Variants in B3GLCT observed in about 807,000 individuals in gnomAD.
B3GLCT encodes beta 3-glucosyltransferase.
In B3GLCT, 65 loss-of-function variants were observed where a neutral mutation model predicts 63.4. That is an observed-to-expected ratio of 1.03 (90% CI 0.84 to 1.26). B3GLCT has a LOEUF of 1.26. Among genes scored for constraint, B3GLCT ranks in the 50% most tolerant of loss-of-function variants. B3GLCT has a pLI of 0.00. For synonymous variants in B3GLCT, 233 were observed against 219.2 expected, an observed-to-expected ratio of 1.06 and a Z score of -0.55; for missense variants, 577 against 604.8, an observed-to-expected ratio of 0.95 and a Z score of 0.48.
At chr13:31,245,934 A>G (rs1309784516) in intron 4 of B3GLCT, among the ~76,000 whole-genome samples, 1 of 152,138 alleles carries the variant, frequency 6.6e-6, no homozygotes, top group Non-Finnish European at 1.5e-5. Context: ...TTAACCTGTG[A>G]TTACTGTTTT....
At chr13:31,252,494 C>G (rs11617218) in intron 6 of B3GLCT, among the ~76,000 whole-genome samples, 49,890 of 151,880 alleles carry the variant, frequency 0.33, 9,114 homozygotes, top group Non-Finnish European at 0.42. Flanking sequence ...CAAAGACACA[C>G]ATAGGCTCAA....
intron 1 of B3GLCT, among the ~76,000 whole-genome samples, chr13:31,204,413 T>G (rs117187407): frequency 1.3e-5 from 2 of 151,980 alleles, no homozygotes; most frequent in South Asian, 2.1e-4. Context: ...TGAGAAACTG[T>G]GGGGTAAGGG....
chr13:31,208,700 G>A lies in B3GLCT; in HGVS notation c.71-6351G>A, dbSNP rs1376785782. 2.0e-5 allele frequency among the ~76,000 whole-genome samples: 3 copies of A among 146,384 alleles called. No homozygotes were observed. In the East Asian group the frequency reaches 5.9e-4, roughly 29 times the overall value. ...ACTCCAGTGGCCTTCCCACTGGCAT[G>A]TTTGTGTCCTTTCTTGTCCTCCCAC... On this transcript the variant is annotated intron_variant, in intron 1 of 14. Coordinates refer to ENST00000343307, the MANE Select transcript of B3GLCT (RefSeq NM_194318.4).
intron 1 of B3GLCT, among the ~76,000 whole-genome samples, chr13:31,207,455 C>T (rs1480523948): frequency 6.6e-6 from 1 of 152,064 alleles, no homozygotes; most frequent in Non-Finnish European, 1.5e-5. Context: ...TTGCAATTTT[C>T]TGGTTTGCAT....
chr13:31,246,031 CA>C (rs1219936182), intron 4 of B3GLCT, among the ~76,000 whole-genome samples: 1 of 152,118 alleles, frequency 6.6e-6, no homozygotes, highest in Non-Finnish European at 1.5e-5. Flanking sequence ...CAAAGATTTA[CA>C]TTAAAGACTA....
At chr13:31,277,750 T>C (rs1039259981) in intron 10 of B3GLCT, among the ~76,000 whole-genome samples, 4 of 152,108 alleles carry the variant, frequency 2.6e-5, no homozygotes, top group Admixed American at 2.6e-4. Flanking sequence ...GACATCAACA[T>C]CAATTAAAAT....
At chr13:31,248,353 G>A (rs1233119830) in intron 6 of B3GLCT, among the ~76,000 whole-genome samples, 1 of 152,156 alleles carries the variant, frequency 6.6e-6, no homozygotes, top group Admixed American at 6.5e-5. Context: ...GCTGTATACT[G>A]AGCACTGTGG....
Position 31,329,736 on chromosome 13 carries a change from G to A in B3GLCT, c.*68G>A. ...GGAGACTGTGGCCTCATCCCACTGT[G>A]CTGTGCTCACAACACTTGTGTCTGC... On this transcript the variant is annotated 3_prime_UTR_variant, in exon 15 of 15. Coordinates refer to ENST00000343307, the MANE Select transcript of B3GLCT (RefSeq NM_194318.4). 1.9e-6 allele frequency: 3 copies of A among 1,558,128 alleles called. No individual in the cohort carries two copies. Among genetic ancestry groups the A allele is most frequent in the Non-Finnish European group, 2.6e-6 (3 of 1,134,178 alleles).
rs66466340 is a variant in B3GLCT at position 31,246,951 on chromosome 13, CTTTTT to C, written c.271-61_271-57del. On this transcript the variant is annotated intron_variant, in intron 4 of 14. Coordinates refer to ENST00000343307, the MANE Select transcript of B3GLCT (RefSeq NM_194318.4). ...TTTCTTTTTTCTTTTCTTTTCTTTT[CTTTTT>C]TTTTTTTTTTACTTTTTTTCGGAGT... 708 of 779,588 alleles carry C rather than the reference CTTTTT, an allele frequency of 9.1e-4. 1 individual carries two copies. The highest frequency in any genetic ancestry group is 1.7e-3 in the Middle Eastern group (6 of 3,436). The allele number at this position is 779,588 out of a possible 1,614,324, so 48.3% of individuals were successfully genotyped here. A position where few individuals can be genotyped will look rare whatever the true frequency, so the allele number is the denominator to read the frequency against.
At chr13:31,259,198 T>A (rs1871893273) in intron 6 of B3GLCT, among the ~76,000 whole-genome samples, 1 of 152,238 alleles carries the variant, frequency 6.6e-6, no homozygotes, top group Non-Finnish European at 1.5e-5. Context: ...AAAGTCTTAT[T>A]TGATAACTGC....
intron 4 of B3GLCT, among the ~76,000 whole-genome samples, chr13:31,238,380 G>A (rs1870759153): frequency 6.6e-6 from 1 of 152,202 alleles, no homozygotes; most frequent in African/African-American, 2.4e-5. Context: ...GTCATTGTAA[G>A]TAGTCATTTC....
intron 14 of B3GLCT, among the ~76,000 whole-genome samples, chr13:31,326,609 C>G (rs1875639697): frequency 6.6e-6 from 1 of 152,010 alleles, no homozygotes; most frequent in African/African-American, 2.4e-5. Context: ...GTTTCAGCCC[C>G]TCTCTCTTCC....
chr13:31,302,165 T>A (rs1450901419), intron 12 of B3GLCT, among the ~76,000 whole-genome samples: 3 of 152,218 alleles, frequency 2.0e-5, no homozygotes, highest in African/African-American at 7.2e-5. Context: ...ACAAATTTGA[T>A]AAGGCTTCTG....
rs139388565 is a variant in B3GLCT, at chr13:31,218,480, C to T, written c.120+3380C>T. ...GGATTACAGGTGTGAGCCACCACGC[C>T]GGGCCTTTTTGTGAATGGGATTGCT... On this transcript the variant is annotated intron_variant, in intron 2 of 14. Transcript: ENST00000343307. Among the ~76,000 whole-genome samples, 727 of 152,220 alleles carry T rather than the reference C, an allele frequency of 4.8e-3. 4 individuals carry two copies. The highest frequency in any genetic ancestry group is 8.2e-3 in the Non-Finnish European group (561 of 68,002).
chr13:31,262,491 C>G (rs1016642724), intron 7 of B3GLCT, among the ~76,000 whole-genome samples: 9 of 152,182 alleles, frequency 5.9e-5, no homozygotes, highest in African/African-American at 2.2e-4. Context: ...GTGGTCATTC[C>G]CTTCTCACCG....
At chr13:31,228,763 T>C (rs985256465) in intron 3 of B3GLCT, among the ~76,000 whole-genome samples, 1 of 152,226 alleles carries the variant, frequency 6.6e-6, no homozygotes, top group Non-Finnish European at 1.5e-5. Flanking sequence ...AAAATATGAA[T>C]TTTAGAGGAC....
At chr13:31,208,358 G>A (rs2137733376) in intron 1 of B3GLCT, among the ~76,000 whole-genome samples, 1 of 152,248 alleles carries the variant, frequency 6.6e-6, no homozygotes, top group East Asian at 1.9e-4. Context: ...GGCCTCACGA[G>A]CCTTGGCTTC....
rs909461654 is a variant in B3GLCT, at chr13:31,304,529, T to C, written c.1065-13037T>C. ...CAAAAAAAGGCAGGGGTTGCAATCC[T>C]AGTCTCTGATAAAACAGACTTTAAA... On this transcript the variant is annotated intron_variant, in intron 12 of 14. Transcript: ENST00000343307. 2.0e-4 allele frequency among the ~76,000 whole-genome samples: 13 copies of C among 64,984 alleles called. No individual in the cohort carries two copies. In the South Asian group the frequency reaches 3.3e-3, roughly 16 times the overall value. The allele number at this position is 64,984 out of a possible 152,430, so 42.6% of individuals were successfully genotyped here.
At chr13:31,319,853 C>T (rs973767104) in intron 13 of B3GLCT, among the ~76,000 whole-genome samples, 1 of 152,204 alleles carries the variant, frequency 6.6e-6, no homozygotes, top group Non-Finnish European at 1.5e-5. Flanking sequence ...CAATGTCCCC[C>T]TCTCAGGGAA....
Sources: gnomAD v4.1 joint callset for allele counts (sites outside exome capture counted in the v4.1 genomes callset) on GRCh38, gnomAD v4.1.1 for gene constraint, MANE v1.5 for transcripts, NCBI Gene and HGNC (gene_info 2026-07-23, HGNC 2026-07-21) for gene names.